The following CSTB variants were observed in gnomAD, a reference collection of about 807,000 sequenced individuals.
CSTB encodes cystatin B.
CSTB carries 8 observed loss-of-function variants against 7.6 expected under a neutral mutation model. That is an observed-to-expected ratio of 1.05 (90% confidence interval 0.62 to 1.89). The LOEUF is 1.89. Among genes scored for constraint, CSTB ranks in the 40% most tolerant of loss-of-function variants. CSTB has a pLI of 0.00. For synonymous variants in CSTB, 56 were observed against 55.3 expected (o/e 1.01, Z -0.06); for missense variants, 124 against 126.4 (o/e 0.98, Z 0.09).
chr21:43,776,110 G>A (rs1012585759), intron 1 of CSTB, 94 bp downstream of exon 1: 2 of 1,192,644 alleles, frequency 1.7e-6, no homozygotes, highest in Non-Finnish European at 2.4e-6. Flanking sequence ...GTGCGCAGCG[G>A]GGCCAAAGCG....
Position 43,776,292 on chromosome 21 carries a change from TGGCG to T in CSTB, c.-27_-24del. The T allele has an allele frequency of 2.0e-6, 3 of 1,525,814 alleles. No homozygotes were observed. Among genetic ancestry groups the T allele is most frequent in the Non-Finnish European group, 2.6e-6 (3 of 1,138,324 alleles). 94.5% of individuals were successfully genotyped at this position (1,525,814 alleles called of 1,614,324 possible). On this transcript the variant is annotated 5_prime_UTR_variant, in exon 1 of 3. Transcript: ENST00000291568. ...CATCTTGGCGGCGACGGAGGGAATC[TGGCG>T]AGGGGACTCGGCGAGGGGACGCGGC... is the stretch of plus-strand genomic sequence containing the variant.
Position 43,774,073 on chromosome 21 carries a change from C to A in CSTB, c.*129G>T, listed in dbSNP as rs1484953182. The A allele has an allele frequency of 2.6e-6, 3 of 1,173,252 alleles. No individual in the cohort carries two copies. Among genetic ancestry groups the A allele is most frequent in the Non-Finnish European group, 3.8e-6 (3 of 789,522 alleles). 72.7% of individuals were successfully genotyped at this position (1,173,252 alleles called of 1,614,324 possible). A position where few individuals can be genotyped will look rare whatever the true frequency, so the allele number is the denominator to read the frequency against. ...AGAAATGCAAAAGCAGCTGCAGAAT[C>A]CTGCCCCTTCCACCCCAAGGGGCAC... On this transcript the variant is annotated 3_prime_UTR_variant, in exon 3 of 3. Coordinates refer to ENST00000291568, the MANE Select transcript of CSTB (RefSeq NM_000100.4).
rs2123385381 is a variant in CSTB, at chr21:43,774,205, G to A, written c.294C>T (p.Phe98=). 1 of 1,614,228 alleles carries A rather than the reference G, an allele frequency of 6.2e-7. No individual in the cohort carries two copies. Among genetic ancestry groups the A allele is most frequent in the Non-Finnish European group, 8.5e-7 (1 of 1,180,038 alleles). The change falls in exon 3 of 3, where the codon TTC becomes TTT. Residue 98 remains phenylalanine (F), a synonymous_variant. Transcript: ENST00000291568. ...AGGGCCTTGTCCAAAGTCAGGATCA[G>A]AAATAGGTCAGCTCATCATGCTTGG... ...NKAKHDELTY[F]
At chr21:43,775,855 C>T in intron 1 of CSTB, 2 of 247,180 alleles carry the variant, frequency 8.1e-6, no homozygotes, top group Non-Finnish European at 1.5e-5. Flanking sequence ...CCATCGCCGG[C>T]GACGCCCGAT....
At position 43,776,275 on chromosome 21, in the gene CSTB, C is replaced by T. The variant is rs1449391245; in HGVS notation, c.-6G>A. 1 of 1,528,644 alleles carries T rather than the reference C, an allele frequency of 6.5e-7. No individual in the cohort carries two copies. Among genetic ancestry groups the T allele is most frequent in the South Asian group, 1.2e-5 (1 of 82,306 alleles). 94.7% of individuals were successfully genotyped at this position (1,528,644 alleles called of 1,614,324 possible). A position where few individuals can be genotyped will look rare whatever the true frequency, so the allele number is the denominator to read the frequency against. Reference sequence around the variant, plus strand: ...GAGGGCGCCCCGCACATCATCTTGGCGGCGACGGAGGGAATCTGGCGAGGG... The same window carrying T: ...GAGGGCGCCCCGCACATCATCTTGGTGGCGACGGAGGGAATCTGGCGAGGG... On this transcript the variant is annotated 5_prime_UTR_variant, in exon 1 of 3. Coordinates refer to ENST00000291568, the MANE Select transcript of CSTB (RefSeq NM_000100.4).
Position 43,776,231 on chromosome 21 carries a change from G to C in CSTB, c.39C>G (p.Thr13=), listed in dbSNP as rs1419893626. 2.0e-6 allele frequency: 3 copies of C among 1,531,834 alleles called. No individual in the cohort carries two copies. Among genetic ancestry groups the C allele is most frequent in the Non-Finnish European group, 1.8e-6 (2 of 1,142,434 alleles). 94.9% of individuals were successfully genotyped at this position (1,531,834 alleles called of 1,614,324 possible). A position where few individuals can be genotyped will look rare whatever the true frequency, so the allele number is the denominator to read the frequency against. The change falls in exon 1 of 3, where the codon ACC becomes ACG. Residue 13 remains threonine, a synonymous_variant. Coordinates refer to ENST00000291568, the MANE Select transcript of CSTB (RefSeq NM_000100.4). ...GGTCGGCGATGTGCTGGGTCTCGGC[G>C]GTGGCCGGCTGCGTGGCGGAGGGCG... is the stretch of plus-strand genomic sequence containing the variant. The part of the protein sequence containing the change: ...CGAPSATQPA[T]AETQHIADQV...
At chr21:43,775,156 G>A (rs1322227358) in intron 1 of CSTB, 2 of 329,506 alleles carry the variant, frequency 6.1e-6, no homozygotes, top group Non-Finnish European at 1.2e-5. Flanking sequence ...CTGGGAAGCG[G>A]AGGTTGCAGT....
intron 1 of CSTB, 102 bp from the exon 2 acceptor site, chr21:43,774,861 G>GTAA: frequency 1.2e-6 from 1 of 818,248 alleles, no homozygotes. Flanking sequence ...TTCTGACACT[G>GTAA]GCTCTTCACA....
At position 43,774,166 on chromosome 21, in the gene CSTB, A is replaced by G. The variant is rs748541590; in HGVS notation, c.*36T>C. 6.2e-7 allele frequency: 1 copy of G among 1,614,038 alleles called. No homozygotes were observed. The highest frequency in any genetic ancestry group is 1.7e-5 in the Admixed American group (1 of 60,028). The stretch of plus-strand genomic sequence containing the variant: ...CTGGTAGACGGAGGATGACTTTGTC[A>G]GTCTTCTGGCTGAAGGGCCTTGTCC... On this transcript the variant is annotated 3_prime_UTR_variant, in exon 3 of 3. Transcript: ENST00000291568.
At position 43,776,302 on chromosome 21, in the gene CSTB, A is replaced by T; in HGVS notation, c.-33T>A. ...GCGACGGAGGGAATCTGGCGAGGGG[A>T]CTCGGCGAGGGGACGCGGCGGCTCC... On this transcript the variant is annotated 5_prime_UTR_variant, in exon 1 of 3. Coordinates refer to ENST00000291568, the MANE Select transcript of CSTB (RefSeq NM_000100.4). 9 of 1,512,702 alleles carry T rather than the reference A, an allele frequency of 5.9e-6. No homozygotes were observed. Among genetic ancestry groups the T allele is most frequent in the Non-Finnish European group, 8.0e-6 (9 of 1,129,736 alleles). The allele number at this position is 1,512,702 out of a possible 1,614,324, so 93.7% of individuals were successfully genotyped here.
rs1369135011 is a variant in CSTB at position 43,775,244 on chromosome 21, G to T, written c.67-485C>A. The T allele has an allele frequency of 2.0e-5, 5 of 254,666 alleles. No individual in the cohort carries two copies. The South Asian group carries it at 2.1e-4, about 11-fold the overall frequency. The allele number at this position is 254,666 out of a possible 1,614,324, so 15.8% of individuals were successfully genotyped here. On this transcript the variant is annotated intron_variant, in intron 1 of 2. Transcript: ENST00000291568. ...TCAAAAACAAAAAAAAAAAACACAGGCCTCAGCATCGCCTGGACCTGTTCT... is the reference window on the plus strand; with the variant it reads ...TCAAAAACAAAAAAAAAAAACACAGTCCTCAGCATCGCCTGGACCTGTTCT...
At chr21:43,774,392 G>C in intron 2 of CSTB, 62 bp from the exon 3 acceptor site, 2 of 1,611,956 alleles carry the variant, frequency 1.2e-6, no homozygotes, top group Non-Finnish European at 1.7e-6. Flanking sequence ...CGCCCCTCCA[G>C]GTCATTAGCA....
intron 1 of CSTB, chr21:43,775,269 T>G: frequency 4.6e-6 from 1 of 216,148 alleles, no homozygotes; most frequent in Non-Finnish European, 9.5e-6. Context: ...GGACCTGTTC[T>G]TGCTTGGGGC....
chr21:43,776,213 G>C lies in CSTB; in HGVS notation c.57C>G (p.Ile19Met). ...TQPATAETQH[I>M]ADQVRSQLEE... ...CCCGCGGCCCACCCACCTGGTCGGC[G>C]ATGTGCTGGGTCTCGGCGGTGGCCG... Residue 19 changes from isoleucine to methionine, a missense_variant, in exon 1 of 3, where the codon ATC becomes ATG. Physicochemically the swap from Ile to Met is conservative, Grantham distance 10 (BLOSUM62 1). Transcript: ENST00000291568. 6.5e-7 allele frequency: 1 copy of C among 1,532,998 alleles called. No individual in the cohort carries two copies. The highest frequency in any genetic ancestry group is 8.7e-7 in the Non-Finnish European group (1 of 1,143,310). The allele number at this position is 1,532,998 out of a possible 1,614,324, so 95.0% of individuals were successfully genotyped here. A position where few individuals can be genotyped will look rare whatever the true frequency, so the allele number is the denominator to read the frequency against.
rs1304969375 is a variant in CSTB at position 43,773,965 on chromosome 21, T to G, written c.*237A>C. On this transcript the variant is annotated 3_prime_UTR_variant, in exon 3 of 3. Coordinates refer to ENST00000291568, the MANE Select transcript of CSTB (RefSeq NM_000100.4). ...AGGCAATCTGTAAGGATTTTAAAAA[T>G]ATATCTATTTTGAAAATATTCTGAA... is the stretch of plus-strand genomic sequence containing the variant. 4 of 562,368 alleles carry G rather than the reference T, an allele frequency of 7.1e-6. No individual in the cohort carries two copies. The highest frequency in any genetic ancestry group is 1.3e-5 in the Non-Finnish European group (4 of 317,100). 34.8% of individuals were successfully genotyped at this position (562,368 alleles called of 1,614,324 possible).
intron 1 of CSTB, 150 bp downstream of exon 1, chr21:43,776,054 G>A: frequency 9.5e-6 from 6 of 632,924 alleles, no homozygotes; most frequent in Non-Finnish European, 1.5e-5. Flanking sequence ...CGCAGCGCCC[G>A]AGCGGAGGGA....
In CSTB at chr21:43,776,143, C is replaced by T. The variant is rs971778192; in HGVS notation, c.66+61G>A. On this transcript the variant is annotated intron_variant, in intron 1 of 2. Coordinates refer to ENST00000291568, the MANE Select transcript of CSTB (RefSeq NM_000100.4). The stretch of plus-strand genomic sequence containing the variant: ...GCGGCTTCTTTCGCTCCAGGAGCCG[C>T]GGCCGCGCCCTGAGGCTAAGGCAGG... The T allele has an allele frequency of 1.2e-5, 17 of 1,444,990 alleles. No homozygotes were observed. In the Admixed American group the frequency reaches 2.3e-4, roughly 19 times the overall value. The allele number at this position is 1,444,990 out of a possible 1,614,324, so 89.5% of individuals were successfully genotyped here.
intron 1 of CSTB, chr21:43,775,028 A>C (rs919848215): frequency 4.0e-6 from 2 of 496,788 alleles, no homozygotes; most frequent in African/African-American, 3.9e-5. Context: ...GTTTGAGACC[A>C]GCCTAGCCAA....
chr21:43,774,877 G>T, intron 1 of CSTB, 118 bp from the exon 2 acceptor site: 2 of 779,360 alleles, frequency 2.6e-6, no homozygotes, highest in Non-Finnish European at 4.6e-6. Context: ...TCACACAATT[G>T]TCTCTTACAA....
Sources: gnomAD v4.1 joint callset for allele counts on GRCh38, gnomAD v4.1.1 for gene constraint, MANE v1.5 for transcripts, NCBI Gene and HGNC (gene_info 2026-07-23, HGNC 2026-07-21) for gene names.